Variants in MACROD2 observed in about 807,000 individuals in gnomAD.
MACROD2 encodes ADP-ribose glycohydrolase MACROD2.
Under a neutral mutation model 70.4 loss-of-function variants are expected in MACROD2, and 36 were observed. The ratio of observed to expected loss-of-function variants is 0.51; its 90% CI spans 0.39 to 0.68. MACROD2 has a LOEUF of 0.68. MACROD2 is among the 30% of genes least tolerant of loss of function. MACROD2 has a pLI of 0.00. For missense variants in MACROD2, 496 were observed against 538.4 expected (o/e 0.92, Z 0.78); for synonymous variants, 172 against 178.8 (o/e 0.96, Z 0.30).
chr20:15,417,709 T>A (rs2046174785), intron 6 of MACROD2, among the ~76,000 whole-genome samples: 1 of 151,738 alleles, frequency 6.6e-6, no homozygotes, highest in Non-Finnish European at 1.5e-5. Flanking sequence ...AAATGCAAAT[T>A]CTTGGGCTCC....
rs112460293 is a variant in MACROD2 at position 14,314,760 on chromosome 20, C to CTAAATAAATAAATAAA, written c.272-178698_272-178683dup. Among the ~76,000 whole-genome samples the CTAAATAAATAAATAAA allele has an allele frequency of 3.3e-3, 482 of 148,076 alleles. 4 individuals are homozygous for CTAAATAAATAAATAAA. The highest frequency in any genetic ancestry group is 0.012 in the African/African-American group (469 of 40,276). ...GGGCAACAAGAGTGAGACTTCGTCT[C>CTAAATAAATAAATAAA]TAAATAAATAAATAAATAAATAAAT... is the stretch of plus-strand genomic sequence containing the variant. On this transcript the variant is annotated intron_variant, in intron 3 of 17. Coordinates refer to ENST00000684519, the MANE Select transcript of MACROD2 (RefSeq NM_001351661.2).
In MACROD2 at chr20:15,556,444, C is replaced by A. The variant is rs957888767; in HGVS notation, c.645+56597C>A. On this transcript the variant is annotated intron_variant, in intron 8 of 17. Coordinates refer to ENST00000684519, the MANE Select transcript of MACROD2 (RefSeq NM_001351661.2). ...GCTGTTTATCCACTGATAAAATAAC[C>A]TCTGTGTATTCATGGTGCCCAGTTG... is the stretch of plus-strand genomic sequence containing the variant. Among the ~76,000 whole-genome samples the A allele has an allele frequency of 1.7e-4, 26 of 152,024 alleles. 1 individual carries two copies. The highest frequency in any genetic ancestry group is 3.5e-4 in the Non-Finnish European group (24 of 68,012).
In MACROD2 at chr20:15,150,353, G is replaced by T. The variant is rs1283737768; in HGVS notation, c.419-79587G>T. ...AGTGAGTTGTGGAGGAAGGTATTGA[G>T]GACAAAAGAGTGTACAGGTTGGGCA... On this transcript the variant is annotated intron_variant, in intron 5 of 17. Transcript: ENST00000684519. 2.0e-5 allele frequency among the ~76,000 whole-genome samples: 3 copies of T among 152,098 alleles called. No individual in the cohort carries two copies. In the East Asian group the frequency reaches 5.8e-4, roughly 29 times the overall value.
At chr20:14,648,370 A>G (rs1208278442) in intron 4 of MACROD2, among the ~76,000 whole-genome samples, 1 of 152,164 alleles carries the variant, frequency 6.6e-6, no homozygotes, top group Non-Finnish European at 1.5e-5. Context: ...CACTAACTGA[A>G]AGTACCCAGG....
intron 6 of MACROD2, among the ~76,000 whole-genome samples, chr20:15,311,037 G>T (rs1222108709): frequency 6.6e-6 from 1 of 152,162 alleles, no homozygotes; most frequent in Non-Finnish European, 1.5e-5. Flanking sequence ...GCAGAAAGGG[G>T]ATAATAGAAT....
intron 8 of MACROD2, among the ~76,000 whole-genome samples, chr20:15,631,783 A>G (rs770213194): frequency 1.3e-5 from 2 of 152,158 alleles, no homozygotes; most frequent in African/African-American, 2.4e-5. Context: ...ACTGATGTCC[A>G]GCTCTTACCT....
At chr20:14,627,195 A>G (rs1294333303) in intron 4 of MACROD2, 1 of 152,200 alleles carries the variant, frequency 6.6e-6, no homozygotes, top group African/African-American at 2.4e-5. Flanking sequence ...TACCACCTCG[A>G]TATCCCCTAC....
intron 8 of MACROD2, among the ~76,000 whole-genome samples, chr20:15,530,463 T>G (rs2047780844): frequency 6.6e-6 from 1 of 152,130 alleles, no homozygotes; most frequent in Non-Finnish European, 1.5e-5. Flanking sequence ...CCAGGCATGG[T>G]GGCTCACGCC....
chr20:14,789,617 A>G (rs1335631562), intron 5 of MACROD2, among the ~76,000 whole-genome samples: 1 of 151,496 alleles, frequency 6.6e-6, no homozygotes, highest in African/African-American at 2.4e-5. Context: ...CTGAGATTAC[A>G]GGAAGTAGCC....
chr20:15,662,247 G>T (rs953558078), intron 8 of MACROD2, among the ~76,000 whole-genome samples: 1 of 152,160 alleles, frequency 6.6e-6, no homozygotes, highest in East Asian at 1.9e-4. Flanking sequence ...GCCCTTTCCT[G>T]GACTTTATTC....
chr20:14,541,738 C>T (rs1055917457), intron 4 of MACROD2, among the ~76,000 whole-genome samples: 1 of 152,058 alleles, frequency 6.6e-6, no homozygotes, highest in East Asian at 1.9e-4. Context: ...GAGAAAGAGA[C>T]GTATTACTGT....
At chr20:15,526,800 A>AGG (rs1283533570) in intron 8 of MACROD2, among the ~76,000 whole-genome samples, 2 of 152,198 alleles carry the variant, frequency 1.3e-5, no homozygotes, top group African/African-American at 4.8e-5. Flanking sequence ...GCATTAAAAG[A>AGG]GGATGCCCTT....
intron 7 of MACROD2, among the ~76,000 whole-genome samples, chr20:15,478,964 A>G (rs530140562): frequency 1.1e-4 from 16 of 152,332 alleles, no homozygotes; most frequent in African/African-American, 3.6e-4. Context: ...AATCAACACA[A>G]AAAGAGATGA....
chr20:15,660,172 T>C (rs958649912), intron 8 of MACROD2, among the ~76,000 whole-genome samples: 3 of 152,106 alleles, frequency 2.0e-5, no homozygotes, highest in Admixed American at 1.3e-4. Flanking sequence ...AAAAAAGAAG[T>C]CAGGCAAGCT....
At chr20:15,191,530 C>T (rs1247202713) in intron 5 of MACROD2, among the ~76,000 whole-genome samples, 1 of 152,158 alleles carries the variant, frequency 6.6e-6, no homozygotes, top group Non-Finnish European at 1.5e-5. Flanking sequence ...CACTGAGGAA[C>T]ATCAAAGAAG....
rs191994076 is a variant in MACROD2, at chr20:14,673,621, A to G, written c.302-11222A>G. ...TTGAACTTGTTGAATTTCTTCAACT[A>G]TAAAATGGAAAAGGTGGCTGGGCAC... On this transcript the variant is annotated intron_variant, in intron 4 of 17. Transcript: ENST00000684519. Among the ~76,000 whole-genome samples the G allele has an allele frequency of 5.9e-5, 9 of 152,258 alleles. No individual in the cohort carries two copies. In the East Asian group the frequency reaches 1.7e-3, roughly 29 times the overall value.
chr20:15,810,706 C>G (rs1228642536), intron 8 of MACROD2, among the ~76,000 whole-genome samples: 1 of 152,188 alleles, frequency 6.6e-6, no homozygotes, highest in Non-Finnish European at 1.5e-5. Flanking sequence ...GCTACAGTAA[C>G]CAAAACAGCA....
At chr20:14,320,064 G>A (rs1160360279) in intron 3 of MACROD2, among the ~76,000 whole-genome samples, 1 of 152,166 alleles carries the variant, frequency 6.6e-6, no homozygotes, top group Non-Finnish European at 1.5e-5. Flanking sequence ...GAGGGTTGAA[G>A]AGGGCACTAT....
At chr20:14,613,417 G>A (rs1392421585) in intron 4 of MACROD2, among the ~76,000 whole-genome samples, 1 of 152,082 alleles carries the variant, frequency 6.6e-6, no homozygotes, top group Non-Finnish European at 1.5e-5. Context: ...ACATATATGG[G>A]GAGCAACAGA....
Sources: allele counts gnomAD v4.1 joint callset (sites outside exome capture counted in the v4.1 genomes callset), GRCh38; gene constraint gnomAD v4.1.1; transcripts MANE v1.5; gene names NCBI Gene and HGNC (gene_info 2026-07-23, HGNC 2026-07-21).